Variants in NECAB1 observed in about 807,000 individuals in gnomAD.
NECAB1 encodes the protein N-terminal EF-hand calcium-binding protein 1.
In NECAB1, 29 loss-of-function variants were observed where a neutral mutation model predicts 57.5. That is an observed-to-expected ratio of 0.50 (90% confidence interval 0.38 to 0.69). The LOEUF is 0.69. NECAB1 is among the 30% of genes least tolerant of loss of function. The probability of loss-of-function intolerance (pLI) is 0.00; values close to 1 mark genes in which losing one functional copy is unlikely to be tolerated. For missense variants in NECAB1, 372 were observed against 413.8 expected (o/e 0.90, Z 0.88); for synonymous variants, 142 against 147.7 (o/e 0.96, Z 0.28).
At chr8:90,881,638 C>G (rs1329588525) in intron 5 of NECAB1, among the ~76,000 whole-genome samples, 1 of 152,192 alleles carries the variant, frequency 6.6e-6, no homozygotes, top group East Asian at 1.9e-4. Flanking sequence ...TTGCCTTCCA[C>G]CATGATTGAA....
chr8:90,852,668 G>A (rs986374642), intron 3 of NECAB1, among the ~76,000 whole-genome samples: 11 of 152,192 alleles, frequency 7.2e-5, no homozygotes, highest in Non-Finnish European at 1.5e-4. Flanking sequence ...ATATCAGAGA[G>A]AAGTGGCTTG....
At chr8:90,888,521 T>C (rs1192079332) in intron 5 of NECAB1, among the ~76,000 whole-genome samples, 1 of 152,198 alleles carries the variant, frequency 6.6e-6, no homozygotes, top group Non-Finnish European at 1.5e-5. Context: ...GATTAAAAAT[T>C]GGTCTGTGTT....
At chr8:90,795,996 A>T (rs189930128) in intron 1 of NECAB1, among the ~76,000 whole-genome samples, 138 of 152,328 alleles carry the variant, frequency 9.1e-4, no homozygotes, top group African/African-American at 1.9e-3. Context: ...AAAAATTTTT[A>T]AAAAAGTATT....
At chr8:90,830,247 TCTC>T (rs1186250549) in intron 3 of NECAB1, among the ~76,000 whole-genome samples, 2 of 151,910 alleles carry the variant, frequency 1.3e-5, no homozygotes, top group Non-Finnish European at 2.9e-5. Context: ...ACAAGAGAGA[TCTC>T]CTGCTTAACA....
rs548145115 is a variant in NECAB1, at chr8:90,922,814, C to A, written c.495-2721C>A. ...GGCCAAAAACTTGGATTTTTTTATA[C>A]CATAGGAAAATTCATAGGGAGATTT... On this transcript the variant is annotated intron_variant, in intron 6 of 12. Coordinates refer to ENST00000417640, the MANE Select transcript of NECAB1 (RefSeq NM_022351.5). 3.3e-5 allele frequency among the ~76,000 whole-genome samples: 5 copies of A among 152,082 alleles called. No homozygotes were observed. In the South Asian group the frequency reaches 6.2e-4, roughly 19 times the overall value.
chr8:90,955,479 C>G lies in NECAB1; in HGVS notation c.1031-8C>G. 1 of 1,543,928 alleles carries G rather than the reference C, an allele frequency of 6.5e-7. No individual in the cohort carries two copies. The highest frequency in any genetic ancestry group is 8.8e-7 in the Non-Finnish European group (1 of 1,142,042). Reference sequence around the variant, plus strand: ...TCATTATTTTAGAAAACATTTTTCTCTTTTCAGCTTCGTGGTGGATCCTGA... The same window carrying G: ...TCATTATTTTAGAAAACATTTTTCTGTTTTCAGCTTCGTGGTGGATCCTGA... On this transcript the variant is annotated splice_region_variant and splice_polypyrimidine_tract_variant and intron_variant, in intron 12 of 12. Coordinates refer to ENST00000417640, the MANE Select transcript of NECAB1 (RefSeq NM_022351.5).
chr8:90,839,938 G>A (rs1187546857), intron 3 of NECAB1, among the ~76,000 whole-genome samples: 1 of 152,186 alleles, frequency 6.6e-6, no homozygotes, highest in Non-Finnish European at 1.5e-5. Context: ...GAGAGGACAA[G>A]TCTGGAGACA....
intron 2 of NECAB1, chr8:90,806,860 T>A (rs1392139196): frequency 6.6e-6 from 1 of 152,242 alleles, no homozygotes; most frequent in Non-Finnish European, 1.5e-5. Flanking sequence ...ATTTTTATTA[T>A]TTTCCCTATT....
At chr8:90,905,096 C>A (rs1001835286) in intron 5 of NECAB1, among the ~76,000 whole-genome samples, 22 of 151,648 alleles carry the variant, frequency 1.5e-4, no homozygotes, top group African/African-American at 5.3e-4. Flanking sequence ...TATCAAAAGA[C>A]AGCACTTACA....
intron 3 of NECAB1, among the ~76,000 whole-genome samples, chr8:90,854,964 G>A (rs967512595): frequency 3.3e-5 from 5 of 152,164 alleles, no homozygotes; most frequent in African/African-American, 9.7e-5. Flanking sequence ...GTCTGACCAA[G>A]CTCTCATTAT....
At chr8:90,925,939 G>A (rs954218464) in intron 7 of NECAB1, among the ~76,000 whole-genome samples, 3 of 152,100 alleles carry the variant, frequency 2.0e-5, no homozygotes, top group African/African-American at 4.8e-5. Flanking sequence ...AAGACTTGAC[G>A]TCTATAAGGA....
intron 8 of NECAB1, among the ~76,000 whole-genome samples, chr8:90,929,115 T>C (rs1486882747): frequency 1.3e-5 from 2 of 152,176 alleles, no homozygotes; most frequent in Non-Finnish European, 2.9e-5. Context: ...TAACAGACTT[T>C]TTAAAAATTA....
intron 3 of NECAB1, among the ~76,000 whole-genome samples, chr8:90,870,976 G>T (rs1235651149): frequency 3.9e-5 from 6 of 152,196 alleles, no homozygotes; most frequent in Non-Finnish European, 8.8e-5. Flanking sequence ...CAAGTATTTA[G>T]TGTCTAGAAT....
chr8:90,930,784 G>GA (rs1439591685), intron 8 of NECAB1, among the ~76,000 whole-genome samples: 1 of 152,102 alleles, frequency 6.6e-6, no homozygotes, highest in East Asian at 1.9e-4. Flanking sequence ...AGATTTGTAG[G>GA]AAAAATAGTG....
At chr8:90,868,512 G>T (rs890949302) in intron 3 of NECAB1, among the ~76,000 whole-genome samples, 1 of 152,126 alleles carries the variant, frequency 6.6e-6, no homozygotes, top group Non-Finnish European at 1.5e-5. Context: ...CTGGATAAAG[G>T]TCATTCTCAC....
intron 2 of NECAB1, chr8:90,813,271 A>ACT (rs1428081783): frequency 6.7e-6 from 1 of 149,030 alleles, no homozygotes; most frequent in Non-Finnish European, 1.5e-5. Context: ...ACACACACAC[A>ACT]CTTGTATAAG....
intron 5 of NECAB1, among the ~76,000 whole-genome samples, chr8:90,902,192 G>A (rs1809519914): frequency 6.6e-6 from 1 of 152,190 alleles, no homozygotes; most frequent in Non-Finnish European, 1.5e-5. Flanking sequence ...GGCCGAGGAG[G>A]GTGGATCACT....
At chr8:90,872,101 CTGT>C (rs1489654187) in intron 3 of NECAB1, 24 bp from the exon 4 acceptor site, 10 of 1,526,534 alleles carry the variant, frequency 6.6e-6, no homozygotes, top group South Asian at 1.2e-5. Context: ...AGTAATAACA[CTGT>C]TTTTTTTTGT....
chr8:90,831,686 C>A (rs1392552930), intron 3 of NECAB1, among the ~76,000 whole-genome samples: 2 of 152,130 alleles, frequency 1.3e-5, no homozygotes, highest in Admixed American at 1.3e-4. Context: ...CCATTCTCTT[C>A]CTAGTACAGC....
Sources: allele counts gnomAD v4.1 joint callset (sites outside exome capture counted in the v4.1 genomes callset), GRCh38; gene constraint gnomAD v4.1.1; transcripts MANE v1.5; gene names NCBI Gene and HGNC (gene_info 2026-07-23, HGNC 2026-07-21).